The following GABRG3 variants were observed in gnomAD, a reference collection of about 807,000 sequenced individuals.
GABRG3 encodes the protein gamma-aminobutyric acid type A receptor subunit gamma3.
A neutral mutation model predicts 48.8 loss-of-function variants in GABRG3; 25 were observed. The ratio of observed to expected loss-of-function variants is 0.51; its 90% CI spans 0.37 to 0.72. GABRG3 has a LOEUF of 0.72. GABRG3 is among the 30% of genes least tolerant of loss of function. The pLI, the probability that GABRG3 is intolerant of heterozygous loss-of-function variation, is 0.00. For missense variants in GABRG3, 394 were observed against 577.9 expected (o/e 0.68, Z 3.26); for synonymous variants, 227 against 217.6 (o/e 1.04, Z -0.38).
intron 5 of GABRG3, among the ~76,000 whole-genome samples, chr15:27,446,476 A>G (rs1434285131): frequency 6.6e-6 from 1 of 152,172 alleles, no homozygotes; most frequent in Non-Finnish European, 1.5e-5. Flanking sequence ...CACCGTCCAT[A>G]TATCAGCATG....
chr15:27,159,758 C>T (rs1196021374), intron 3 of GABRG3, among the ~76,000 whole-genome samples: 1 of 152,154 alleles, frequency 6.6e-6, no homozygotes, highest in East Asian at 1.9e-4. Context: ...TACAATGTTA[C>T]AGTCATGTAA....
chr15:27,366,367 G>T (rs1895200120), intron 5 of GABRG3: 1 of 152,086 alleles, frequency 6.6e-6, no homozygotes, highest in African/African-American at 2.4e-5. Flanking sequence ...TAAAGCTCTT[G>T]GGTGAAAATA....
intron 5 of GABRG3, among the ~76,000 whole-genome samples, chr15:27,351,113 T>G (rs900694315): frequency 3.3e-5 from 5 of 149,842 alleles, no homozygotes; most frequent in African/African-American, 9.9e-5. Context: ...GTGTATGGTG[T>G]GTGTGTATGG....
intron 3 of GABRG3, among the ~76,000 whole-genome samples, chr15:27,259,188 A>G (rs1314613745): frequency 1.3e-5 from 2 of 152,188 alleles, no homozygotes; most frequent in Non-Finnish European, 2.9e-5. Context: ...GTGCTGCAGT[A>G]ACCATGGGGC....
At chr15:27,525,788 C>CT (rs1566879502) in intron 7 of GABRG3, among the ~76,000 whole-genome samples, 2 of 86,506 alleles carry the variant, frequency 2.3e-5, no homozygotes, top group South Asian at 6.2e-4. Flanking sequence ...TGATCTCATT[C>CT]TTTTTTTGGC....
chr15:27,326,967 G>A lies in GABRG3; in HGVS notation c.429G>A (p.Trp143Ter). 1 of 1,613,992 alleles carries A rather than the reference G, an allele frequency of 6.2e-7. No individual in the cohort carries two copies. Among genetic ancestry groups the A allele is most frequent in the East Asian group, 2.2e-5 (1 of 44,882 alleles). ...ATTCTAAAACCGCAGAGGCTCACTG[G>A]ATCACCACACCCAATCAGCTCCTCC... ...FRNSKTAEAH[W>*]ITTPNQLLRI... Residue 143 changes from tryptophan to a stop codon, truncating the protein, a stop_gained, in exon 4 of 10, where the codon TGG becomes TGA. Coordinates refer to ENST00000615808, the MANE Select transcript of GABRG3 (RefSeq NM_033223.5). LOFTEE classifies it high-confidence loss of function.
intron 3 of GABRG3, among the ~76,000 whole-genome samples, chr15:27,187,925 T>C (rs1163554647): frequency 7.5e-6 from 1 of 133,988 alleles, no homozygotes; most frequent in Non-Finnish European, 1.5e-5. Flanking sequence ...CCCCTTCCTG[T>C]GTCCATGTGT....
chr15:27,067,228 C>T (rs1212768302), intron 3 of GABRG3, among the ~76,000 whole-genome samples: 3 of 152,128 alleles, frequency 2.0e-5, no homozygotes, highest in Non-Finnish European at 4.4e-5. Context: ...CCTGGGGTCA[C>T]CCAGATAAAA....
At chr15:27,493,961 T>C (rs186322852) in intron 6 of GABRG3, among the ~76,000 whole-genome samples, 4 of 152,316 alleles carry the variant, frequency 2.6e-5, no homozygotes, top group Admixed American at 1.3e-4. Flanking sequence ...TGGCTCTCGA[T>C]TGGATTTTAT....
intron 5 of GABRG3, among the ~76,000 whole-genome samples, chr15:27,424,927 A>G (rs540451019): frequency 1.2e-3 from 178 of 152,278 alleles, no homozygotes; most frequent in African/African-American, 4.0e-3. Flanking sequence ...CATTCAGAGC[A>G]TAGCAGGGGC....
intron 5 of GABRG3, among the ~76,000 whole-genome samples, chr15:27,359,753 A>G (rs2140545028): frequency 6.6e-6 from 1 of 152,226 alleles, no homozygotes; most frequent in Admixed American, 6.5e-5. Context: ...CGTTACATAG[A>G]TATCTTCTAT....
At chr15:27,294,758 G>T (rs1891922245) in intron 3 of GABRG3, 1 of 152,094 alleles carries the variant, frequency 6.6e-6, no homozygotes, top group African/African-American at 2.4e-5. Context: ...GTAAACCAGG[G>T]GCGCATTCTT....
intron 6 of GABRG3, among the ~76,000 whole-genome samples, chr15:27,491,187 C>T (rs990233219): frequency 1.3e-5 from 2 of 152,246 alleles, no homozygotes; most frequent in Non-Finnish European, 2.9e-5. Flanking sequence ...CCAGCTCCCT[C>T]AGCCCTCAGT....
chr15:26,971,665 T>C, intron 1 of GABRG3, 77 bp downstream of exon 1: 1 of 1,436,296 alleles, frequency 7.0e-7, no homozygotes, highest in East Asian at 2.8e-5. Context: ...TCTGCTGGAG[T>C]CCCTGGCGCG....
intron 5 of GABRG3, among the ~76,000 whole-genome samples, chr15:27,382,852 G>A (rs1037943421): frequency 2.0e-5 from 3 of 152,300 alleles, no homozygotes; most frequent in Middle Eastern, 3.4e-3. Flanking sequence ...TCGGTGGAAC[G>A]ATTAGGGAAA....
chr15:27,252,508 T>C (rs1200052258), intron 3 of GABRG3, among the ~76,000 whole-genome samples: 1 of 152,198 alleles, frequency 6.6e-6, no homozygotes. Context: ...ACATGATGCA[T>C]CCGCCCCACC....
At chr15:27,444,168 TA>T (rs1170915801) in intron 5 of GABRG3, among the ~76,000 whole-genome samples, 1 of 152,212 alleles carries the variant, frequency 6.6e-6, no homozygotes, top group Non-Finnish European at 1.5e-5. Flanking sequence ...AATTTACTGT[TA>T]TTTTTCTGAA....
intron 3 of GABRG3, among the ~76,000 whole-genome samples, chr15:27,308,565 A>G (rs940048497): frequency 5.4e-5 from 8 of 147,932 alleles, no homozygotes; most frequent in Admixed American, 4.2e-4. Flanking sequence ...ACATGTTTAT[A>G]TAAACATAAT....
intron 5 of GABRG3, among the ~76,000 whole-genome samples, chr15:27,341,220 A>G: frequency 6.6e-6 from 1 of 152,152 alleles, no homozygotes. Flanking sequence ...TTTTTGTGAT[A>G]GAAATATTAT....
Sources: allele counts gnomAD v4.1 joint callset (sites outside exome capture counted in the v4.1 genomes callset), GRCh38; gene constraint gnomAD v4.1.1; transcripts MANE v1.5; gene names NCBI Gene and HGNC (gene_info 2026-07-23, HGNC 2026-07-21).